CCDC33: variants seen among roughly 807,000 people sequenced by gnomAD.
The protein encoded by CCDC33 is coiled-coil domain containing 33, also known as coiled-coil domain-containing protein 33.
CCDC33 carries 94 observed loss-of-function variants against 91.9 expected under a neutral mutation model. That is an observed-to-expected ratio of 1.02 (90% confidence interval 0.87 to 1.21). The LOEUF is 1.21. Ranked by LOEUF, CCDC33 falls within the 50% of genes most tolerant of loss-of-function variation. The probability of loss-of-function intolerance (pLI) is 0.00; values close to 1 mark genes in which losing one functional copy is unlikely to be tolerated. For missense variants in CCDC33, 940 were observed against 935.5 expected, an observed-to-expected ratio of 1.00 and a Z score of -0.06; for synonymous variants, 396 against 374.5, an observed-to-expected ratio of 1.06 and a Z score of -0.66.
At chr15:74,207,809 C>T (rs1400752897) in intron 1 of CCDC33, 3 of 1,535,556 alleles carry the variant, frequency 2.0e-6, no homozygotes, top group African/African-American at 1.4e-5. Flanking sequence ...CTCACACACA[C>T]ATCCAACTGC....
chr15:74,268,518 C>A, intron 5 of CCDC33, 60 bp downstream of exon 5: 1 of 1,289,248 alleles, frequency 7.8e-7, no homozygotes, highest in Non-Finnish European at 1.1e-6. Flanking sequence ...AAGCTTTGAG[C>A]AGGCCCCACG....
chr15:74,248,321 A>G (rs980279451), intron 2 of CCDC33, among the ~76,000 whole-genome samples: 1 of 151,052 alleles, frequency 6.6e-6, no homozygotes, highest in Non-Finnish European at 1.5e-5. Flanking sequence ...TATATATTAT[A>G]TATATTATAT....
At position 74,218,417 on chromosome 15, in the gene CCDC33, G is replaced by A; in HGVS notation, c.311-80G>A. ...GTCTGGGCAGCCCAGGTTTCCCCAG[G>A]GCCCTGCCTGTCCTCCTAGTCACCT... On this transcript the variant is annotated intron_variant, in intron 1 of 2. Coordinates refer to the CCDC33 transcript ENST00000635913. This position sits in a 1 kb window ranked among gnomAD's most constrained non-coding sequence, Gnocchi z 4.8. 2.5e-6 allele frequency: 3 copies of A among 1,211,634 alleles called. No homozygotes were observed. In the South Asian group the frequency reaches 4.4e-5, roughly 18 times the overall value. 75.1% of individuals were successfully genotyped at this position (1,211,634 alleles called of 1,614,324 possible). A position where few individuals can be genotyped will look rare whatever the true frequency, so the allele number is the denominator to read the frequency against.
intron 11 of CCDC33, among the ~76,000 whole-genome samples, chr15:74,296,531 C>T (rs535638894): frequency 3.0e-3 from 454 of 152,218 alleles, no homozygotes; most frequent in Non-Finnish European, 5.4e-3. Flanking sequence ...GAGGCTGAGG[C>T]GGGAGAATCA....
intron 5 of CCDC33, among the ~76,000 whole-genome samples, chr15:74,269,517 G>A (rs1462938516): frequency 6.6e-6 from 1 of 152,012 alleles, no homozygotes; most frequent in Non-Finnish European, 1.5e-5. Context: ...CTTCTATCAC[G>A]CCCTTTCCTG....
intron 16 of CCDC33, 28 bp downstream of exon 16, chr15:74,332,873 T>C (rs779525651): frequency 1.0e-5 from 16 of 1,605,652 alleles, no homozygotes; most frequent in Middle Eastern, 3.6e-4. Flanking sequence ...TGGGCCTGCC[T>C]ATGCCGGTCA....
intron 14 of CCDC33, 21 bp downstream of exon 14, chr15:74,331,133 C>T: frequency 6.2e-7 from 1 of 1,613,386 alleles, no homozygotes; most frequent in Non-Finnish European, 8.5e-7. Flanking sequence ...GAGGGGCTGC[C>T]CCCGAGGCCA....
chr15:74,291,121 G>C (rs769125642), intron 10 of CCDC33, among the ~76,000 whole-genome samples: 1 of 152,224 alleles, frequency 6.6e-6, no homozygotes, highest in African/African-American at 2.4e-5. Flanking sequence ...GCCCTTCTTG[G>C]CTGGGAGACA....
chr15:74,208,372 G>T (rs545856365), intron 1 of CCDC33, among the ~76,000 whole-genome samples: 1 of 152,112 alleles, frequency 6.6e-6, no homozygotes, highest in Admixed American at 6.5e-5. Context: ...TTCCCAGCAC[G>T]TTCCTCCCTG....
intron 4 of CCDC33, 41 bp downstream of exon 4, chr15:74,266,828 G>A: frequency 7.1e-7 from 1 of 1,416,784 alleles, no homozygotes; most frequent in Non-Finnish European, 1.0e-6. Context: ...GAGCAGGTGG[G>A]AACCACCTTG....
At chr15:74,231,271 G>A (rs1332219087) in intron 2 of CCDC33, among the ~76,000 whole-genome samples, 6 of 152,194 alleles carry the variant, frequency 3.9e-5, no homozygotes, top group Non-Finnish European at 2.9e-5. Flanking sequence ...AGTCTGGGGT[G>A]TTATGACCCC....
intron 2 of CCDC33, among the ~76,000 whole-genome samples, chr15:74,246,308 C>T (rs986496954): frequency 2.6e-5 from 4 of 152,064 alleles, no homozygotes; most frequent in Admixed American, 2.0e-4. Context: ...GCAACAGAAT[C>T]AAAAATAAGT....
At chr15:74,253,792 A>G (rs1182035067) in intron 2 of CCDC33, among the ~76,000 whole-genome samples, 3 of 152,208 alleles carry the variant, frequency 2.0e-5, no homozygotes, top group Non-Finnish European at 4.4e-5. Context: ...CATTCAGAGG[A>G]GTAGCCCCTG....
intron 11 of CCDC33, among the ~76,000 whole-genome samples, chr15:74,307,320 T>C (rs928530006): frequency 7.5e-4 from 114 of 152,252 alleles, no homozygotes; most frequent in African/African-American, 2.6e-3. Context: ...AGTGTTCCCA[T>C]CAAGATTCAC....
At chr15:74,336,142 G>A, downstream of CCDC33, 1 of 1,548,328 alleles carries the variant, frequency 6.5e-7, no homozygotes, top group Non-Finnish European at 8.7e-7. Context: ...AGCTCTGTGA[G>A]CATTTTCCTC....
At chr15:74,275,729 G>A (rs961512332) in intron 7 of CCDC33, among the ~76,000 whole-genome samples, 7 of 151,872 alleles carry the variant, frequency 4.6e-5, no homozygotes, top group African/African-American at 1.2e-4. Flanking sequence ...GTGCAGTGGC[G>A]CAATCCTGGC....
At chr15:74,246,123 A>C (rs1372428896) in intron 2 of CCDC33, among the ~76,000 whole-genome samples, 1 of 152,256 alleles carries the variant, frequency 6.6e-6, no homozygotes, top group African/African-American at 2.4e-5. Context: ...AAGAAAGTTC[A>C]TGAAAGTTTT....
In CCDC33 at chr15:74,238,749, A is replaced by G. The variant is rs146611961; in HGVS notation, c.21+2009A>G. On this transcript the variant is annotated intron_variant, in intron 1 of 18. Coordinates refer to ENST00000398814, the MANE Select transcript of CCDC33 (RefSeq NM_025055.5). ...AACATAATTCCTCTTGCTGCCACCA[A>G]TGGATACTCAGATTATGAGTTCAGG... Among the ~76,000 whole-genome samples, 288 of 152,270 alleles carry G rather than the reference A, an allele frequency of 1.9e-3. 1 individual carries two copies. The highest frequency in any genetic ancestry group is 0.01 in the Middle Eastern group (3 of 294).
intron 7 of CCDC33, among the ~76,000 whole-genome samples, chr15:74,277,854 A>G (rs1005796471): frequency 1.3e-5 from 2 of 152,194 alleles, no homozygotes; most frequent in Non-Finnish European, 2.9e-5. Flanking sequence ...AGGTCCCAGA[A>G]AGGGCAGCTA....
Sources: allele counts gnomAD v4.1 joint callset (sites outside exome capture counted in the v4.1 genomes callset), GRCh38; gene constraint gnomAD v4.1.1; non-coding constraint Gnocchi (gnomAD v3.1); transcripts MANE v1.5; gene names NCBI Gene and HGNC (gene_info 2026-07-23, HGNC 2026-07-21).